TRIM62: variants seen among roughly 807,000 people sequenced by gnomAD.
The protein encoded by TRIM62 is tripartite motif containing 62.
TRIM62 carries 39 observed loss-of-function variants against 44.2 expected under a neutral mutation model. That is an observed-to-expected ratio of 0.88 (90% CI 0.68 to 1.15). The LOEUF (loss-of-function observed/expected upper bound fraction) is 1.15, where lower values mean the gene tolerates loss of function less well. TRIM62 is among the 50% of genes most tolerant of loss of function. The pLI is 0.00. For synonymous variants in TRIM62, 278 were observed against 292.3 expected, an observed-to-expected ratio of 0.95 and a Z score of 0.50; for missense variants, 544 against 665.5, an observed-to-expected ratio of 0.82 and a Z score of 2.01.
At position 33,167,966 on chromosome 1, in the gene TRIM62, C is replaced by A. The variant is rs1645343207; in HGVS notation, c.409-2400G>T. Among the ~76,000 whole-genome samples the A allele has an allele frequency of 1.3e-5, 2 of 152,160 alleles. No individual in the cohort carries two copies. The highest frequency in any genetic ancestry group is 2.9e-5 in the Non-Finnish European group (2 of 68,036). ...GGACAAGACAGACACAGTCCCTGAT[C>A]ATAGGGACTAGTCTGGTGGGGAAGA... is the stretch of plus-strand genomic sequence containing the variant. On this transcript the variant is annotated intron_variant, in intron 1 of 4. Transcript: ENST00000291416. This position sits in a 1 kb window ranked among gnomAD's most constrained non-coding sequence, Gnocchi z 4.2.
intron 1 of TRIM62, among the ~76,000 whole-genome samples, chr1:33,168,813 G>C (rs1405231937): frequency 6.6e-6 from 1 of 152,152 alleles, no homozygotes; most frequent in African/African-American, 2.4e-5. Flanking sequence ...TGAGGAGATG[G>C]GCCAAGTGCT....
At chr1:33,176,930 C>A (rs1645424117) in intron 1 of TRIM62, among the ~76,000 whole-genome samples, 1 of 152,182 alleles carries the variant, frequency 6.6e-6, no homozygotes, top group South Asian at 2.1e-4. Context: ...TGAATATTGG[C>A]TGAGAAGCCC....
At chr1:33,158,189 A>G in intron 4 of TRIM62, 64 bp downstream of exon 4, 1 of 1,472,956 alleles carries the variant, frequency 6.8e-7, no homozygotes, top group Non-Finnish European at 9.5e-7. Flanking sequence ...TGTTTAGGAC[A>G]GGGGGCTGGG....
rs1233370385 is a variant in TRIM62, at chr1:33,174,955, A to G, written c.408+6070T>C. On this transcript the variant is annotated intron_variant, in intron 1 of 4. Transcript: ENST00000291416. ...CATACATATATGTGTGTATATATAT[A>G]TATATATATATATACACACATATAC... is the stretch of plus-strand genomic sequence containing the variant. 1.7e-3 allele frequency among the ~76,000 whole-genome samples: 245 copies of G among 142,830 alleles called. 1 individual carries two copies. Among genetic ancestry groups the G allele is most frequent in the Non-Finnish European group, 2.4e-3 (160 of 66,704 alleles). 93.7% of individuals were successfully genotyped at this position (142,830 alleles called of 152,430 possible).
At chr1:33,150,028 C>T (rs1221770271) in intron 4 of TRIM62, among the ~76,000 whole-genome samples, 1 of 152,220 alleles carries the variant, frequency 6.6e-6, no homozygotes, top group East Asian at 1.9e-4. Context: ...CTTAGCAGGT[C>T]TGACTAAAAA....
intron 1 of TRIM62, among the ~76,000 whole-genome samples, 168 bp downstream of exon 1, chr1:33,180,857 C>T (rs1422920044): frequency 6.6e-6 from 1 of 151,032 alleles, no homozygotes; most frequent in Non-Finnish European, 1.5e-5. Flanking sequence ...GCGGCCCCGC[C>T]CCTCCCTGCC....
At chr1:33,174,918 T>TATAC (rs1557762302) in intron 1 of TRIM62, among the ~76,000 whole-genome samples, 1 of 137,382 alleles carries the variant, frequency 7.3e-6, no homozygotes, top group African/African-American at 2.9e-5. Context: ...TATATATATA[T>TATAC]ACACACACAC....
Position 33,145,911 on chromosome 1 carries a change from C to T in TRIM62, c.*1266G>A, listed in dbSNP as rs550394416. ...CTTGCAGCCAAGGTTCTGGATCTGACTTAAGTTCCCCCAAACAGAATCTCT... is the reference window on the plus strand; with the variant it reads ...CTTGCAGCCAAGGTTCTGGATCTGATTTAAGTTCCCCCAAACAGAATCTCT... On this transcript the variant is annotated 3_prime_UTR_variant, in exon 5 of 5. Coordinates refer to ENST00000291416, the MANE Select transcript of TRIM62 (RefSeq NM_018207.3). 121 of 471,114 alleles carry T rather than the reference C, an allele frequency of 2.6e-4. No individual in the cohort carries two copies. Among genetic ancestry groups the T allele is most frequent in the South Asian group, 1.8e-3 (118 of 64,564 alleles). The allele number at this position is 471,114 out of a possible 1,614,324, so 29.2% of individuals were successfully genotyped here.
intron 3 of TRIM62, 58 bp from the exon 4 acceptor site, chr1:33,158,426 A>G: frequency 8.8e-6 from 13 of 1,485,552 alleles, no homozygotes; most frequent in Non-Finnish European, 1.2e-5. Flanking sequence ...CCCCAATGCC[A>G]GGGGCCCCGC....
At chr1:33,171,299 G>A (rs762722110) in intron 1 of TRIM62, among the ~76,000 whole-genome samples, 1 of 152,234 alleles carries the variant, frequency 6.6e-6, no homozygotes, top group South Asian at 2.1e-4. Flanking sequence ...GGAGGCGGAT[G>A]TGGTTTGGGT....
chr1:33,153,581 T>G (rs1221605007), intron 4 of TRIM62, among the ~76,000 whole-genome samples: 2 of 152,154 alleles, frequency 1.3e-5, no homozygotes, highest in Non-Finnish European at 2.9e-5. Context: ...CAGCCTCCAG[T>G]GTCAATGGGG....
chr1:33,174,941 G>A (rs1427568095), intron 1 of TRIM62, among the ~76,000 whole-genome samples: 7 of 23,930 alleles, frequency 2.9e-4, no homozygotes, highest in African/African-American at 7.1e-4. Context: ...ATACATATAT[G>A]TGTGTATATA....
intron 2 of TRIM62, 111 bp from the exon 3 acceptor site, chr1:33,160,055 G>A: frequency 7.2e-7 from 1 of 1,393,134 alleles, no homozygotes. Context: ...GGTGGGAAAG[G>A]GCACGCGTGG....
intron 1 of TRIM62, among the ~76,000 whole-genome samples, chr1:33,173,227 C>G (rs1188447942): frequency 6.6e-6 from 1 of 152,210 alleles, no homozygotes; most frequent in Non-Finnish European, 1.5e-5. Context: ...CAATCTCTGG[C>G]AACATCTGGC....
At chr1:33,175,752 T>C (rs2147988389) in intron 1 of TRIM62, among the ~76,000 whole-genome samples, 1 of 152,010 alleles carries the variant, frequency 6.6e-6, no homozygotes, top group Non-Finnish European at 1.5e-5. Context: ...ACTCAGGGAG[T>C]AGGGAACGAA....
rs947399138 is a variant in TRIM62, at chr1:33,159,015, A to ATT, written c.762-649_762-648dup. Among the ~76,000 whole-genome samples the ATT allele has an allele frequency of 6.7e-6, 1 of 149,890 alleles. No homozygotes were observed. Among genetic ancestry groups the ATT allele is most frequent in the Non-Finnish European group, 1.5e-5 (1 of 67,372 alleles). ...GCCACCACGCCCGGCTAATTTTTGT[A>ATT]TTTTTTTTTAGTAGAGACGGGGTTT... is the stretch of plus-strand genomic sequence containing the variant. On this transcript the variant is annotated intron_variant, in intron 3 of 4. Coordinates refer to ENST00000291416, the MANE Select transcript of TRIM62 (RefSeq NM_018207.3). The surrounding 1 kb of genome is among the most constrained non-coding windows in gnomAD (Gnocchi z 4.2).
At chr1:33,158,760 C>T (rs891956103) in intron 3 of TRIM62, among the ~76,000 whole-genome samples, 1 of 152,138 alleles carries the variant, frequency 6.6e-6, no homozygotes, top group African/African-American at 2.4e-5. Flanking sequence ...GAGACCTAGG[C>T]TTGAATCCTG....
At position 33,181,733 on chromosome 1, in the gene TRIM62, A is replaced by T; in HGVS notation, c.-301T>A. ...CTGAGGGACGGAGATCCTGACGGGG[A>T]GGTTCTAGGGGGCGGGGCAGTCCTA... On this transcript the variant is annotated 5_prime_UTR_variant, in exon 1 of 5. Transcript: ENST00000291416. The surrounding 1 kb of genome is among the most constrained non-coding windows in gnomAD (Gnocchi z 6.5). 2.9e-6 allele frequency: 1 copy of T among 345,438 alleles called. No individual in the cohort carries two copies. Among genetic ancestry groups the T allele is most frequent in the East Asian group, 7.2e-5 (1 of 13,974 alleles). 21.4% of individuals were successfully genotyped at this position (345,438 alleles called of 1,614,324 possible).
chr1:33,149,768 C>G (rs1015820990), intron 4 of TRIM62, among the ~76,000 whole-genome samples: 1 of 152,192 alleles, frequency 6.6e-6, no homozygotes, highest in African/African-American at 2.4e-5. Context: ...AATTCTTTAG[C>G]TTTATTTGTG....
Sources: allele counts gnomAD v4.1 joint callset (sites outside exome capture counted in the v4.1 genomes callset), GRCh38; gene constraint gnomAD v4.1.1; non-coding constraint Gnocchi (gnomAD v3.1); transcripts MANE v1.5; gene names NCBI Gene and HGNC (gene_info 2026-07-23, HGNC 2026-07-21).